Variants in L3MBTL3 observed in about 807,000 individuals in gnomAD.
L3MBTL3 encodes the protein lethal(3)malignant brain tumor-like protein 3.
L3MBTL3 carries 27 observed loss-of-function variants against 102.3 expected under a neutral mutation model. That is an observed-to-expected ratio of 0.26 (90% CI 0.19 to 0.36). The LOEUF is 0.36. L3MBTL3 is among the 10% of genes least tolerant of loss of function. L3MBTL3 has a pLI of 1.00. For missense variants in L3MBTL3, 798 were observed against 955.3 expected, an observed-to-expected ratio of 0.84 and a Z score of 2.17; for synonymous variants, 340 against 320.9, an observed-to-expected ratio of 1.06 and a Z score of -0.64.
At chr6:130,091,429 C>A (rs1784038988) in intron 16 of L3MBTL3, among the ~76,000 whole-genome samples, 1 of 151,934 alleles carries the variant, frequency 6.6e-6, no homozygotes, top group Non-Finnish European at 1.5e-5. Flanking sequence ...TTCAGTATAT[C>A]CCTTCATCCT....
At chr6:130,082,932 T>C (rs753628288) in intron 14 of L3MBTL3, among the ~76,000 whole-genome samples, 26 of 152,328 alleles carry the variant, frequency 1.7e-4, no homozygotes, top group Admixed American at 3.9e-4. Context: ...GCTAACATTA[T>C]CTCTGATATA....
chr6:130,119,184 CTCA>C (rs1562328826), intron 19 of L3MBTL3, among the ~76,000 whole-genome samples: 2 of 152,074 alleles, frequency 1.3e-5, no homozygotes, highest in African/African-American at 4.8e-5. Flanking sequence ...ATATCAACTA[CTCA>C]TCAGAGCTTC....
chr6:130,133,370 C>G lies in L3MBTL3; in HGVS notation c.1967-82C>G. On this transcript the variant is annotated intron_variant, in intron 20 of 22. Coordinates refer to ENST00000361794, the MANE Select transcript of L3MBTL3 (RefSeq NM_032438.4). This position sits in a 1 kb window ranked among gnomAD's most constrained non-coding sequence, Gnocchi z 4.9. ...TGCTTTAACCACTCCCACCTCCAGT[C>G]TCGTTATCTGGGAGATGCACGGCAT... The G allele has an allele frequency of 7.4e-7, 1 of 1,350,082 alleles. No individual in the cohort carries two copies. The highest frequency in any genetic ancestry group is 1.0e-6 in the Non-Finnish European group (1 of 957,490). 83.6% of individuals were successfully genotyped at this position (1,350,082 alleles called of 1,614,324 possible). A position where few individuals can be genotyped will look rare whatever the true frequency, so the allele number is the denominator to read the frequency against.
chr6:130,084,468 G>A (rs548441205), intron 15 of L3MBTL3, among the ~76,000 whole-genome samples: 3 of 151,960 alleles, frequency 2.0e-5, no homozygotes, highest in African/African-American at 4.8e-5. Context: ...TAATTATGAG[G>A]TATAGGTCCA....
chr6:130,102,224 C>G (rs1239289643), intron 18 of L3MBTL3, among the ~76,000 whole-genome samples: 2 of 152,092 alleles, frequency 1.3e-5, no homozygotes, highest in East Asian at 3.9e-4. Context: ...CTTGGGATGA[C>G]AAAGGATACT....
intron 10 of L3MBTL3, among the ~76,000 whole-genome samples, chr6:130,060,800 A>G (rs1781842673): frequency 6.6e-6 from 1 of 152,058 alleles, no homozygotes; most frequent in African/African-American, 2.4e-5. Context: ...GAGTACTTTA[A>G]AAAATGTGTT....
At chr6:130,086,378 G>T (rs1272704793) in intron 16 of L3MBTL3, 128 bp downstream of exon 16, 6 of 654,194 alleles carry the variant, frequency 9.2e-6, no homozygotes, top group South Asian at 1.9e-5. Flanking sequence ...AAAATAATTG[G>T]CTGTGCATCT....
chr6:130,104,470 G>T lies in L3MBTL3; in HGVS notation c.1781G>T (p.Arg594Leu), dbSNP rs763375416. The T allele has an allele frequency of 6.3e-7, 1 of 1,596,982 alleles. No individual in the cohort carries two copies. Among genetic ancestry groups the T allele is most frequent in the South Asian group, 1.1e-5 (1 of 87,162 alleles). The part of the protein sequence containing the change: ...PYSEINLNKD[R>L]IFPDRLSGEM... Reference sequence around the variant, plus strand: ...TCAGAAATCAATTTGAATAAAGACCGTATTTTTCCAGACCGCTTAAGTGGT... The same window carrying T: ...TCAGAAATCAATTTGAATAAAGACCTTATTTTTCCAGACCGCTTAAGTGGT... Residue 594 changes from arginine (R) to leucine (L), a missense_variant, in exon 19 of 23, where the codon CGT becomes CTT. By Grantham distance (102) the Arg-to-Leu change is moderately radical. Around this residue, in one of 4 missense-constraint regions of L3MBTL3, gnomAD observed 306 missense variants for 314.4 expected, o/e 0.97. Coordinates refer to ENST00000361794, the MANE Select transcript of L3MBTL3 (RefSeq NM_032438.4).
intron 19 of L3MBTL3, among the ~76,000 whole-genome samples, chr6:130,107,515 A>G (rs560844824): frequency 9.2e-5 from 14 of 152,328 alleles, no homozygotes; most frequent in East Asian, 3.9e-4. Context: ...TGAAGCTTCT[A>G]TAATTCCTGT....
intron 3 of L3MBTL3, among the ~76,000 whole-genome samples, chr6:130,046,190 G>GATA (rs1780714518): frequency 6.6e-6 from 1 of 152,084 alleles, no homozygotes; most frequent in Non-Finnish European, 1.5e-5. Flanking sequence ...ACACTCCTGA[G>GATA]AGGACAGCAT....
chr6:130,068,338 G>A lies in L3MBTL3; in HGVS notation c.1009G>A (p.Glu337Lys). 1 of 1,575,838 alleles carries A rather than the reference G, an allele frequency of 6.3e-7. No homozygotes were observed. Among genetic ancestry groups the A allele is most frequent in the Non-Finnish European group, 8.7e-7 (1 of 1,145,550 alleles). The change falls in exon 12 of 23, where the codon GAA (glutamate) becomes AAA (lysine). Residue 337 changes from glutamate to lysine, a missense_variant. Physicochemically the swap from Glu to Lys is moderately conservative, Grantham distance 56 (BLOSUM62 1). This residue lies in a region of L3MBTL3 where 434 missense variants were observed against 506.6 expected (regional missense o/e 0.86). Coordinates refer to ENST00000361794, the MANE Select transcript of L3MBTL3 (RefSeq NM_032438.4). ...ATATGTGCTTACTCTAGGGTATAAA[G>A]AAGAAGAATTCAATTGGCAGACCTA... ...HKLHPPKGYK[E>K]EEFNWQTYLK...
intron 14 of L3MBTL3, among the ~76,000 whole-genome samples, chr6:130,081,727 A>G (rs769439090): frequency 1.3e-5 from 2 of 152,008 alleles, no homozygotes; most frequent in Admixed American, 6.6e-5. Context: ...ACCCGGCTGC[A>G]TATTTACTCT....
At chr6:130,112,111 T>C (rs765060684) in intron 19 of L3MBTL3, among the ~76,000 whole-genome samples, 19 of 152,242 alleles carry the variant, frequency 1.2e-4, no homozygotes, top group African/African-American at 3.1e-4. Context: ...CTTTATCTGA[T>C]CATCCAGATT....
At chr6:130,065,140 T>G (rs1363405182) in intron 10 of L3MBTL3, among the ~76,000 whole-genome samples, 1 of 152,192 alleles carries the variant, frequency 6.6e-6, no homozygotes, top group African/African-American at 2.4e-5. Flanking sequence ...CAATACATTC[T>G]AATTGAAAAA....
At chr6:130,031,523 A>T (rs191598208) in intron 2 of L3MBTL3, among the ~76,000 whole-genome samples, 14 of 152,322 alleles carry the variant, frequency 9.2e-5, no homozygotes. Context: ...GGTATTAGAC[A>T]TCTCTTTTCA....
At chr6:130,028,444 A>G (rs1779496049) in intron 2 of L3MBTL3, among the ~76,000 whole-genome samples, 1 of 152,234 alleles carries the variant, frequency 6.6e-6, no homozygotes, top group Non-Finnish European at 1.5e-5. Flanking sequence ...TCTCCTCTGC[A>G]GGGATGGATG....
chr6:130,028,581 T>C lies in L3MBTL3; in HGVS notation c.-16+6276T>C, dbSNP rs1779508123. Among the ~76,000 whole-genome samples, 6 of 152,310 alleles carry C rather than the reference T, an allele frequency of 3.9e-5. No individual in the cohort carries two copies. The South Asian group carries it at 1.2e-3, about 32-fold the overall frequency. On this transcript the variant is annotated intron_variant, in intron 2 of 22. Coordinates refer to ENST00000361794, the MANE Select transcript of L3MBTL3 (RefSeq NM_032438.4). ...ATGAACTTAGGTCCTTAGGACAGATTTCACATCTCTCCACAACAGACCTTA... is the reference window on the plus strand; with the variant it reads ...ATGAACTTAGGTCCTTAGGACAGATCTCACATCTCTCCACAACAGACCTTA...
intron 20 of L3MBTL3, among the ~76,000 whole-genome samples, chr6:130,124,114 G>T (rs759296977): frequency 1.3e-5 from 2 of 152,160 alleles, no homozygotes; most frequent in Admixed American, 1.3e-4. Flanking sequence ...TGCAGGTGGC[G>T]GTTCGGAGTT....
chr6:130,108,459 C>G (rs962227589), intron 19 of L3MBTL3, among the ~76,000 whole-genome samples: 6 of 151,940 alleles, frequency 3.9e-5, no homozygotes, highest in Non-Finnish European at 8.8e-5. Flanking sequence ...TGGTCTCAAT[C>G]TCCTGACTTC....
Sources: gnomAD v4.1 joint callset for allele counts (sites outside exome capture counted in the v4.1 genomes callset) on GRCh38, gnomAD v4.1.1 for gene constraint, gnomAD v4.1.1 regional missense constraint, Gnocchi (gnomAD v3.1) non-coding constraint, MANE v1.5 for transcripts, NCBI Gene and HGNC (gene_info 2026-07-23, HGNC 2026-07-21) for gene names.